MNT: variants seen among roughly 807,000 people sequenced by gnomAD.
MNT encodes max-binding protein MNT.
A neutral mutation model predicts 40.7 loss-of-function variants in MNT; 13 were observed. The observed-to-expected ratio is 0.32, with a 90% confidence interval of 0.21 to 0.51. The LOEUF is 0.51. Ranked by LOEUF, MNT falls within the 20% of genes least tolerant of loss-of-function variation. MNT has a pLI of 0.98. For synonymous variants in MNT, 426 were observed against 354.8 expected, an observed-to-expected ratio of 1.20 and a Z score of -2.26; for missense variants, 757 against 792.0, an observed-to-expected ratio of 0.96 and a Z score of 0.53.
At chr17:2,399,041 A>C (rs2066596287) in intron 1 of MNT, among the ~76,000 whole-genome samples, 1 of 136,476 alleles carries the variant, frequency 7.3e-6, no homozygotes, top group Non-Finnish European at 1.6e-5. Context: ...GCGGCGGCAC[A>C]CGGCGGCGCG....
In MNT at chr17:2,395,092, G is replaced by T; in HGVS notation, c.436C>A (p.Pro146Thr). 2 of 1,515,198 alleles carry T rather than the reference G, an allele frequency of 1.3e-6. No individual in the cohort carries two copies. The highest frequency in any genetic ancestry group is 1.3e-5 in the South Asian group (1 of 75,564). 93.9% of individuals were successfully genotyped at this position (1,515,198 alleles called of 1,614,324 possible). Residue 146 changes from proline (P) to threonine (T), a missense_variant, in exon 2 of 6, where the codon CCT (proline) becomes ACT (threonine). Coordinates refer to ENST00000174618, the MANE Select transcript of MNT (RefSeq NM_020310.3). Reference sequence around the variant, plus strand: ...TTCGAGTCCGGCAGTAGGGGAGCAGGGGTGGGCACCTGCGGCCTGCTGGGC... The same window carrying T: ...TTCGAGTCCGGCAGTAGGGGAGCAGTGGTGGGCACCTGCGGCCTGCTGGGC... Reference protein sequence around the residue: ...PLPSRPQVPTPAPLLPDSKAT... With the variant: ...PLPSRPQVPTTAPLLPDSKAT...
chr17:2,386,951 T>A lies in MNT; in HGVS notation c.1699A>T (p.Thr567Ser). The change falls in exon 6 of 6, where the codon ACC (threonine) becomes TCC (serine). Residue 567 changes from threonine (T) to serine (S), a missense_variant. Physicochemically the swap from Thr to Ser is moderately conservative, Grantham distance 58. Coordinates refer to ENST00000174618, the MANE Select transcript of MNT (RefSeq NM_020310.3). ...LVGQTVLNPV[T>S]MVTMPSFPVS... Reference sequence around the variant, plus strand: ...GGGAAGGAGGGCATGGTGACCATGGTCACAGGGTTGAGCACGGTCTGGCCC... The same window carrying A: ...GGGAAGGAGGGCATGGTGACCATGGACACAGGGTTGAGCACGGTCTGGCCC... The A allele has an allele frequency of 2.7e-6, 4 of 1,505,302 alleles. No homozygotes were observed. Among genetic ancestry groups the A allele is most frequent in the Non-Finnish European group, 2.7e-6 (3 of 1,124,518 alleles). The allele number at this position is 1,505,302 out of a possible 1,614,324, so 93.2% of individuals were successfully genotyped here.
At position 2,395,221 on chromosome 17, in the gene MNT, G is replaced by C; in HGVS notation, c.307C>G (p.Pro103Ala). The part of the protein sequence containing the change: ...VVTNSPQPLP[P>A]PPPLPAAAQP... ...GCTGCCGCGGGCAAGGGTGGGGGTG[G>C]GGGTAGAGGCTGAGGGGAGTTGGTC... The change falls in exon 2 of 6, where the codon CCA (proline) becomes GCA (alanine). Residue 103 changes from proline to alanine, a missense_variant. Physicochemically the swap from Pro to Ala is conservative, Grantham distance 27. Coordinates refer to ENST00000174618, the MANE Select transcript of MNT (RefSeq NM_020310.3). 2 of 1,479,408 alleles carry C rather than the reference G, an allele frequency of 1.4e-6. No homozygotes were observed. The highest frequency in any genetic ancestry group is 1.8e-6 in the Non-Finnish European group (2 of 1,115,574). The allele number at this position is 1,479,408 out of a possible 1,614,324, so 91.6% of individuals were successfully genotyped here. A position where few individuals can be genotyped will look rare whatever the true frequency, so the allele number is the denominator to read the frequency against.
At position 2,387,554 on chromosome 17, in the gene MNT, A is replaced by C; in HGVS notation, c.1096T>G (p.Ser366Ala). 1 of 1,613,770 alleles carries C rather than the reference A, an allele frequency of 6.2e-7. No individual in the cohort carries two copies. Among genetic ancestry groups the C allele is most frequent in the Non-Finnish European group, 8.5e-7 (1 of 1,179,918 alleles). The change falls in exon 6 of 6, where the codon TCC (serine) becomes GCC (alanine). Residue 366 changes from serine to alanine, a missense_variant. By Grantham distance (99) the Ser-to-Ala change is moderately conservative (BLOSUM62 1). Around this residue, in one of 4 missense-constraint regions of MNT, gnomAD observed 345 missense variants for 380.1 expected, o/e 0.91. Coordinates refer to ENST00000174618, the MANE Select transcript of MNT (RefSeq NM_020310.3). ...SHRPQPELLKSTLPPPSTTPA... is the reference protein window; with the variant it reads ...SHRPQPELLKATLPPPSTTPA... ...GTGGTGCTGGGGGGTGGCAGGGTGG[A>C]CTTCAGCAGCTCCGGCTGGGGACGA... is the stretch of plus-strand genomic sequence containing the variant.
Position 2,394,160 on chromosome 17 carries a change from G to A in MNT, c.696-6C>T, listed in dbSNP as rs751636075. On this transcript the variant is annotated splice_polypyrimidine_tract_variant and splice_region_variant and intron_variant, in intron 3 of 5. Transcript: ENST00000174618. Reference sequence around the variant, plus strand: ...ACTCTTTCAGATGGGCCCTCCTGAAGAGAGGGGCGAGCGCCGGTCAGCGGT... The same window carrying A: ...ACTCTTTCAGATGGGCCCTCCTGAAAAGAGGGGCGAGCGCCGGTCAGCGGT... The A allele has an allele frequency of 3.7e-6, 6 of 1,607,818 alleles. No individual in the cohort carries two copies. The highest frequency in any genetic ancestry group is 5.1e-6 in the Non-Finnish European group (6 of 1,177,146).
At chr17:2,388,327 T>TCTCTCGCCCCATCCCTCCTCCAG in intron 4 of MNT, 2 of 419,166 alleles carry the variant, frequency 4.8e-6, no homozygotes, top group Non-Finnish European at 8.5e-6. Context: ...CAATTCATCC[T>TCTCTCGCCCCATCCCTCCTCCAG]CAGGGGCTTC....
At chr17:2,400,406 C>T in intron 1 of MNT, 1 of 438,250 alleles carries the variant, frequency 2.3e-6, no homozygotes, top group South Asian at 3.0e-5. Context: ...GCCACGCAGC[C>T]GGGGTGGCGC....
Position 2,394,277 on chromosome 17 carries a change from GCACA to G in MNT, c.695+24_695+27del, listed in dbSNP as rs35367394. On this transcript the variant is annotated intron_variant, in intron 3 of 5. Transcript: ENST00000174618. ...CCGGGTCGCGCGCGCACGCACGCAC[GCACA>G]CACACACACACACACACACACACCT... The G allele has an allele frequency of 2.1e-3, 3,059 of 1,485,840 alleles. 7 individuals are homozygous for G. Among genetic ancestry groups the G allele is most frequent in the South Asian group, 4.2e-3 (336 of 80,326 alleles). The allele number at this position is 1,485,840 out of a possible 1,614,324, so 92.0% of individuals were successfully genotyped here.
In MNT at chr17:2,395,473, A is replaced by T; in HGVS notation, c.74-19T>A. 8 of 1,602,334 alleles carry T rather than the reference A, an allele frequency of 5.0e-6. No individual in the cohort carries two copies. The highest frequency in any genetic ancestry group is 6.8e-6 in the Non-Finnish European group (8 of 1,176,842). On this transcript the variant is annotated intron_variant, in intron 1 of 5. Coordinates refer to ENST00000174618, the MANE Select transcript of MNT (RefSeq NM_020310.3). ...TGCTCCTCTACACAGAGAGAACACA[A>T]GGGGGGGAGGGTCTCAGCGGGGCCC...
chr17:2,390,355 C>A (rs1334216858), intron 4 of MNT: 2 of 152,360 alleles, frequency 1.3e-5, no homozygotes, highest in African/African-American at 4.8e-5. Context: ...CGGGGGACCC[C>A]AAACCCCAGG....
At chr17:2,397,705 G>T (rs1181700052) in intron 1 of MNT, among the ~76,000 whole-genome samples, 1 of 152,160 alleles carries the variant, frequency 6.6e-6, no homozygotes, top group Non-Finnish European at 1.5e-5. Context: ...AAGAGGAGCT[G>T]CCCCTGGCCA....
In MNT at chr17:2,397,220, C is replaced by T. The variant is rs1046875724; in HGVS notation, c.74-1766G>A. ...TCCAGTGCGGGGAGGCCTTAGGTTA[C>T]GCCCGGGAGAAAACCAGCCCTGCGC... On this transcript the variant is annotated intron_variant, in intron 1 of 5. Transcript: ENST00000174618. 2.0e-5 allele frequency among the ~76,000 whole-genome samples: 3 copies of T among 152,186 alleles called. No homozygotes were observed. In the East Asian group the frequency reaches 5.8e-4, roughly 29 times the overall value.
At position 2,387,348 on chromosome 17, in the gene MNT, A is replaced by G. The variant is rs1429956714; in HGVS notation, c.1302T>C (p.Ala434=). Residue 434 remains alanine (A), a synonymous_variant, in exon 6 of 6, where the codon GCT becomes GCC. Transcript: ENST00000174618. ...VPAPAHLVAT[A]GGGSTVIAHT... is the part of the protein sequence containing the mutation. ...GGGCGATGACCGTGGAGCCACCCCC[A>G]GCCGTCGCCACCAGATGGGCTGGAG... 6.2e-7 allele frequency: 1 copy of G among 1,612,434 alleles called. No homozygotes were observed. Among genetic ancestry groups the G allele is most frequent in the South Asian group, 1.1e-5 (1 of 90,822 alleles).
At position 2,386,821 on chromosome 17, in the gene MNT, T is replaced by G; in HGVS notation, c.*80A>C. The stretch of plus-strand genomic sequence containing the variant: ...GGGGCTGGCCTGGGCCTGGCTGGAA[T>G]GTGTGGAGCTGGTGGGTGAGAGAGT... On this transcript the variant is annotated 3_prime_UTR_variant, in exon 6 of 6. Transcript: ENST00000174618. The G allele has an allele frequency of 1.5e-6, 2 of 1,361,080 alleles. No homozygotes were observed. Among genetic ancestry groups the G allele is most frequent in the South Asian group, 1.7e-5 (1 of 59,750 alleles). The allele number at this position is 1,361,080 out of a possible 1,614,324, so 84.3% of individuals were successfully genotyped here.
chr17:2,389,003 C>T (rs1487328734), intron 4 of MNT, among the ~76,000 whole-genome samples: 1 of 152,136 alleles, frequency 6.6e-6, no homozygotes, highest in East Asian at 1.9e-4. Flanking sequence ...AGGCTTTTCA[C>T]ACACACAACT....
intron 1 of MNT, 26 bp downstream of exon 1, chr17:2,400,614 C>T: frequency 6.4e-7 from 1 of 1,569,864 alleles, no homozygotes; most frequent in Non-Finnish European, 8.6e-7. Flanking sequence ...TCCCCAGTGC[C>T]CCAGGGGCCC....
chr17:2,398,631 T>C (rs565170951), intron 1 of MNT, among the ~76,000 whole-genome samples: 153 of 152,326 alleles, frequency 1.0e-3, no homozygotes, highest in African/African-American at 3.5e-3. Flanking sequence ...TACAAAGACC[T>C]CTGACCGGCA....
intron 4 of MNT, among the ~76,000 whole-genome samples, chr17:2,388,669 T>C (rs1268300726): frequency 6.6e-6 from 1 of 152,084 alleles, no homozygotes; most frequent in African/African-American, 2.4e-5. Context: ...CCAGACTCCC[T>C]GGGCTGAACA....
At chr17:2,394,224 G>A in intron 3 of MNT, 70 bp from the exon 4 acceptor site, 1 of 1,595,960 alleles carries the variant, frequency 6.3e-7, no homozygotes, top group Middle Eastern at 2.0e-4. Context: ...GCAGGACCGG[G>A]GAAGCTGGGG....
Sources: allele counts gnomAD v4.1 joint callset (sites outside exome capture counted in the v4.1 genomes callset), GRCh38; gene constraint gnomAD v4.1.1; regional missense constraint gnomAD v4.1.1; transcripts MANE v1.5; gene names NCBI Gene and HGNC (gene_info 2026-07-23, HGNC 2026-07-21).